The following SYT13 variants were observed in gnomAD, a reference collection of about 807,000 sequenced individuals.
SYT13 encodes synaptotagmin 13, also known as synaptotagmin-13.
SYT13 carries 21 observed loss-of-function variants against 38.6 expected under a neutral mutation model. The observed-to-expected ratio is 0.54, with a 90% CI of 0.39 to 0.78. SYT13 has a LOEUF of 0.78. SYT13 is among the 30% of genes least tolerant of loss of function. The pLI is 0.00. For synonymous variants in SYT13, 241 were observed against 237.6 expected, an observed-to-expected ratio of 1.01 and a Z score of -0.13; for missense variants, 495 against 548.7, an observed-to-expected ratio of 0.90 and a Z score of 0.98.
At chr11:45,284,023 G>A (rs1855106074) in intron 1 of SYT13, among the ~76,000 whole-genome samples, 1 of 152,214 alleles carries the variant, frequency 6.6e-6, no homozygotes, top group Non-Finnish European at 1.5e-5. Flanking sequence ...AATCCTCCCT[G>A]AGACTTTAAA....
At chr11:45,269,408 T>C (rs761918211) in intron 1 of SYT13, 36 of 1,207,100 alleles carry the variant, frequency 3.0e-5, no homozygotes, top group Middle Eastern at 2.3e-4. Flanking sequence ...AGATCCTACC[T>C]AGAGATTTCC....
intron 1 of SYT13, among the ~76,000 whole-genome samples, chr11:45,275,678 C>T (rs1187510351): frequency 6.6e-6 from 1 of 152,184 alleles, no homozygotes; most frequent in Non-Finnish European, 1.5e-5. Context: ...CCTGAAGGTT[C>T]ATTGTGTGGG....
In SYT13 at chr11:45,252,614, T is replaced by C. The variant is rs779635219; in HGVS notation, c.653A>G (p.His218Arg). Residue 218 changes from histidine (H) to arginine (R), a missense_variant, in exon 4 of 6, where the codon CAC (histidine) becomes CGC (arginine). Transcript: ENST00000020926. The surrounding 1 kb of genome is among the most constrained non-coding windows in gnomAD (Gnocchi z 4.3). ...CACCAGGCCCTCCTCCCAGGTGGTG[T>C]GCAGCTGCCGCTTCTTTAGGGCTGT... ...AQTALKKRQL[H>R]TTWEEGLVLP... 1.2e-6 allele frequency: 2 copies of C among 1,614,130 alleles called. No homozygotes were observed. Among genetic ancestry groups the C allele is most frequent in the South Asian group, 2.2e-5 (2 of 91,078 alleles).
chr11:45,276,712 TA>T (rs202057732), intron 1 of SYT13, among the ~76,000 whole-genome samples: 5,459 of 131,336 alleles, frequency 0.042, 115 homozygotes, highest in Admixed American at 0.069. Context: ...GATGACTTTT[TA>T]AAAAAAAAAA....
In SYT13 at chr11:45,252,506, A is replaced by G. The variant is rs1565378847; in HGVS notation, c.761T>C (p.Val254Ala). ...CAGGCCCAGGCGGAGCTCCCCGGCCACGCTGTGACGGGAGAAGCGGTCGCA... is the reference window on the plus strand; with the variant it reads ...CAGGCCCAGGCGGAGCTCCCCGGCCGCGCTGTGACGGGAGAAGCGGTCGCA... ...RTCDRFSRHS[V>A]AGELRLGLDG... The change falls in exon 4 of 6, where the codon GTG becomes GCG. Residue 254 changes from valine (V) to alanine (A), a missense_variant. Physicochemically the swap from Val to Ala is moderately conservative, Grantham distance 64. Transcript: ENST00000020926. The surrounding 1 kb of genome is among the most constrained non-coding windows in gnomAD (Gnocchi z 4.3). 1 of 1,613,978 alleles carries G rather than the reference A, an allele frequency of 6.2e-7. No individual in the cohort carries two copies. Among genetic ancestry groups the G allele is most frequent in the East Asian group, 2.2e-5 (1 of 44,878 alleles).
Position 45,255,909 on chromosome 11 carries a change from T to G in SYT13, c.184-18A>C. ...ACATTGAACTGCAAACACAAATTACTCTGATTAGTCCACAAAGGAGCCCTC... is the reference window on the plus strand; with the variant it reads ...ACATTGAACTGCAAACACAAATTACGCTGATTAGTCCACAAAGGAGCCCTC... On this transcript the variant is annotated intron_variant, in intron 1 of 5. Transcript: ENST00000020926. 6.2e-7 allele frequency: 1 copy of G among 1,612,524 alleles called. No individual in the cohort carries two copies. Among genetic ancestry groups the G allele is most frequent in the Non-Finnish European group, 8.5e-7 (1 of 1,178,744 alleles).
intron 1 of SYT13, among the ~76,000 whole-genome samples, chr11:45,265,366 C>T (rs1053585262): frequency 6.6e-6 from 1 of 152,246 alleles, no homozygotes; most frequent in African/African-American, 2.4e-5. Context: ...AGTGGAGCTG[C>T]TATTGACCAC....
In SYT13 at chr11:45,246,611, C is replaced by T. The variant is rs1854617383; in HGVS notation, c.847-99G>A. Reference sequence around the variant, plus strand: ...GCTGGAACCATGCTGGATTTGCATCCAACACGCATCCTTGAAACCATTTAC... The same window carrying T: ...GCTGGAACCATGCTGGATTTGCATCTAACACGCATCCTTGAAACCATTTAC... On this transcript the variant is annotated intron_variant, in intron 4 of 5. Coordinates refer to ENST00000020926, the MANE Select transcript of SYT13 (RefSeq NM_020826.3). 2.0e-6 allele frequency: 3 copies of T among 1,484,412 alleles called. No homozygotes were observed. In the African/African-American group the frequency reaches 4.2e-5, roughly 21 times the overall value. The allele number at this position is 1,484,412 out of a possible 1,614,324, so 92.0% of individuals were successfully genotyped here. A position where few individuals can be genotyped will look rare whatever the true frequency, so the allele number is the denominator to read the frequency against.
intron 1 of SYT13, among the ~76,000 whole-genome samples, chr11:45,259,975 T>G (rs1046719600): frequency 2.6e-5 from 4 of 152,232 alleles, no homozygotes; most frequent in Non-Finnish European, 1.5e-5. Context: ...AGTAGTACTG[T>G]TCTTATTGTT....
intron 1 of SYT13, among the ~76,000 whole-genome samples, chr11:45,278,085 G>A (rs1157659467): frequency 6.6e-6 from 1 of 152,104 alleles, no homozygotes; most frequent in East Asian, 1.9e-4. Context: ...AACTCTATTA[G>A]TTCCATTATT....
intron 1 of SYT13, among the ~76,000 whole-genome samples, chr11:45,274,567 C>T (rs751995): frequency 2.0e-5 from 3 of 151,990 alleles, no homozygotes; most frequent in Non-Finnish European, 2.9e-5. Context: ...TAAGATGCTC[C>T]GCGATATGCT....
chr11:45,275,519 A>T (rs865974010), intron 1 of SYT13, among the ~76,000 whole-genome samples: 11 of 152,236 alleles, frequency 7.2e-5, no homozygotes, highest in African/African-American at 2.2e-4. Context: ...ATTATAATGC[A>T]TTCCAAGTCT....
intron 1 of SYT13, among the ~76,000 whole-genome samples, chr11:45,274,698 A>G (rs1854989016): frequency 6.6e-6 from 1 of 152,214 alleles, no homozygotes; most frequent in Non-Finnish European, 1.5e-5. Flanking sequence ...AACCGCTTTT[A>G]CCCAACCTTA....
intron 1 of SYT13, among the ~76,000 whole-genome samples, chr11:45,276,534 A>C (rs1203198688): frequency 6.6e-6 from 1 of 152,110 alleles, no homozygotes; most frequent in Non-Finnish European, 1.5e-5. Context: ...ATATCTATGT[A>C]ACAAACCTGC....
intron 5 of SYT13, 100 bp downstream of exon 5, chr11:45,246,283 C>T (rs2135884734): frequency 2.6e-6 from 4 of 1,517,998 alleles, no homozygotes; most frequent in East Asian, 2.3e-5. Context: ...TATTCCACCT[C>T]CCTGCTTACC....
At chr11:45,278,113 T>C (rs1001527259) in intron 1 of SYT13, among the ~76,000 whole-genome samples, 6 of 152,234 alleles carry the variant, frequency 3.9e-5, no homozygotes, top group African/African-American at 1.4e-4. Context: ...AAATTAGTTA[T>C]AGGGGACCCT....
intron 1 of SYT13, among the ~76,000 whole-genome samples, chr11:45,284,372 T>A (rs1382585008): frequency 6.6e-6 from 1 of 152,160 alleles, no homozygotes. Flanking sequence ...GTTAGGATCA[T>A]TCTATGGCTC....
chr11:45,272,864 G>C (rs1021112375), intron 1 of SYT13, among the ~76,000 whole-genome samples: 1 of 152,174 alleles, frequency 6.6e-6, no homozygotes, highest in African/African-American at 2.4e-5. Flanking sequence ...TGAATCAAAT[G>C]GGAAAACGAA....
At chr11:45,263,687 TC>T (rs1215881481) in intron 1 of SYT13, among the ~76,000 whole-genome samples, 1 of 152,204 alleles carries the variant, frequency 6.6e-6, no homozygotes, top group Non-Finnish European at 1.5e-5. Context: ...AGTCTGTCGC[TC>T]TGGCCTCTAA....
Sources: gnomAD v4.1 joint callset for allele counts (sites outside exome capture counted in the v4.1 genomes callset) on GRCh38, gnomAD v4.1.1 for gene constraint, Gnocchi (gnomAD v3.1) non-coding constraint, MANE v1.5 for transcripts, NCBI Gene and HGNC (gene_info 2026-07-23, HGNC 2026-07-21) for gene names.